Variants in ADAM29 observed in about 807,000 individuals in gnomAD.
ADAM29 encodes disintegrin and metalloproteinase domain-containing protein 29.
For missense variants in ADAM29, 969 were observed against 1,001.8 expected, an observed-to-expected ratio of 0.97 and a Z score of 0.44; for synonymous variants, 367 against 342.3, an observed-to-expected ratio of 1.07 and a Z score of -0.80.
rs112971012 is a variant in ADAM29, at chr4:174,970,145, G to T, written c.-180-5201G>T. On this transcript the variant is annotated intron_variant, in intron 4 of 4. Coordinates refer to ENST00000359240, the MANE Select transcript of ADAM29 (RefSeq NM_014269.4). Reference sequence around the variant, plus strand: ...ATATACACAGATTAAAAGACAATAGGATTAGTTATTAAGAAGATGAATACA... The same window carrying T: ...ATATACACAGATTAAAAGACAATAGTATTAGTTATTAAGAAGATGAATACA... 3.7e-3 allele frequency among the ~76,000 whole-genome samples: 561 copies of T among 152,196 alleles called. 4 individuals are homozygous for T. Among genetic ancestry groups the T allele is most frequent in the Middle Eastern group, 0.017 (5 of 294 alleles).
intron 3 of ADAM29, among the ~76,000 whole-genome samples, chr4:174,936,372 T>A (rs1744201953): frequency 6.6e-6 from 1 of 151,994 alleles, no homozygotes; most frequent in Non-Finnish European, 1.5e-5. Flanking sequence ...TAATTTTTAC[T>A]GAACGAAAAT....
intron 4 of ADAM29, among the ~76,000 whole-genome samples, chr4:174,952,625 GA>G (rs1342404406): frequency 6.6e-6 from 1 of 152,112 alleles, no homozygotes; most frequent in Non-Finnish European, 1.5e-5. Context: ...CAGAAAATTT[GA>G]GAGAGAAAAA....
intron 4 of ADAM29, among the ~76,000 whole-genome samples, chr4:174,938,611 C>T (rs1170888005): frequency 6.6e-6 from 1 of 152,096 alleles, no homozygotes; most frequent in Non-Finnish European, 1.5e-5. Context: ...ACTTATACTA[C>T]TCAGATGACC....
chr4:174,948,403 C>G (rs567674723), intron 4 of ADAM29, among the ~76,000 whole-genome samples: 5 of 152,156 alleles, frequency 3.3e-5, no homozygotes, highest in Non-Finnish European at 5.9e-5. Flanking sequence ...AGTCCACTGA[C>G]TTCACTTCCG....
At chr4:174,939,112 T>C (rs542892083) in intron 4 of ADAM29, among the ~76,000 whole-genome samples, 1 of 152,268 alleles carries the variant, frequency 6.6e-6, no homozygotes, top group Non-Finnish European at 1.5e-5. Flanking sequence ...GCAAAGAGTC[T>C]TTCTGCAAAG....
At chr4:174,936,072 G>A (rs1234443007) in intron 3 of ADAM29, among the ~76,000 whole-genome samples, 1 of 151,960 alleles carries the variant, frequency 6.6e-6, no homozygotes, top group Non-Finnish European at 1.5e-5. Context: ...ACAGCCCAGG[G>A]CAAAATTGGG....
intron 4 of ADAM29, among the ~76,000 whole-genome samples, chr4:174,949,322 C>T (rs1004902196): frequency 2.0e-5 from 3 of 152,186 alleles, no homozygotes; most frequent in African/African-American, 7.2e-5. Flanking sequence ...ACTGGCCATG[C>T]TCCGCTGAAG....
chr4:174,978,095 G>C lies in ADAM29; in HGVS notation c.*107G>C. ...AGTCAACCTCATGTGACACCTTACC[G>C]GAGTAAAAGTGGTAAACAAAAGCAA... On this transcript the variant is annotated 3_prime_UTR_variant, in exon 5 of 5. Coordinates refer to ENST00000359240, the MANE Select transcript of ADAM29 (RefSeq NM_014269.4). 2.6e-6 allele frequency: 4 copies of C among 1,520,290 alleles called. No individual in the cohort carries two copies. In the South Asian group the frequency reaches 5.1e-5, roughly 19 times the overall value. The allele number at this position is 1,520,290 out of a possible 1,614,324, so 94.2% of individuals were successfully genotyped here.
chr4:174,967,836 A>G (rs1396486687), intron 4 of ADAM29, among the ~76,000 whole-genome samples: 1 of 152,162 alleles, frequency 6.6e-6, no homozygotes, highest in Non-Finnish European at 1.5e-5. Context: ...CAATCGCACA[A>G]ACTGATATGC....
intron 4 of ADAM29, among the ~76,000 whole-genome samples, chr4:174,957,253 A>G (rs1373327206): frequency 2.0e-5 from 3 of 151,896 alleles, no homozygotes; most frequent in Non-Finnish European, 4.4e-5. Context: ...TAGGTTAATC[A>G]ACATTTATTG....
Position 174,975,878 on chromosome 4 carries a change from C to A in ADAM29, c.353C>A (p.Thr118Asn). The part of the protein sequence containing the change: ...GDPESLVSLS[T>N]CFGGFQGILQ... ...CCAGAATCCCTGGTTTCCCTCAGTA[C>A]CTGTTTTGGGGGTTTTCAAGGAATA... Residue 118 changes from threonine to asparagine, a missense_variant, in exon 5 of 5, where the codon ACC (threonine) becomes AAC (asparagine). Transcript: ENST00000359240. 2 of 1,613,618 alleles carry A rather than the reference C, an allele frequency of 1.2e-6. No homozygotes were observed. The highest frequency in any genetic ancestry group is 2.2e-5 in the South Asian group (2 of 90,972).
chr4:174,941,049 C>T (rs570211110), intron 4 of ADAM29, among the ~76,000 whole-genome samples: 24 of 152,052 alleles, frequency 1.6e-4, no homozygotes, highest in African/African-American at 5.1e-4. Context: ...TTCAGGGGGT[C>T]AATTGAGATA....
chr4:174,940,829 A>G (rs1205909710), intron 4 of ADAM29, among the ~76,000 whole-genome samples: 1 of 152,186 alleles, frequency 6.6e-6, no homozygotes, highest in Non-Finnish European at 1.5e-5. Flanking sequence ...AGACAAATCT[A>G]TTGACCTATG....
intron 4 of ADAM29, among the ~76,000 whole-genome samples, chr4:174,957,065 A>G (rs1745550784): frequency 6.6e-6 from 1 of 151,896 alleles, no homozygotes; most frequent in South Asian, 2.1e-4. Flanking sequence ...ATCAATAACA[A>G]TGAAACACAC....
chr4:174,936,789 T>A (rs2110955535), intron 3 of ADAM29, 144 bp from the exon 4 acceptor site: 1 of 152,100 alleles, frequency 6.6e-6, no homozygotes, highest in South Asian at 2.1e-4. Flanking sequence ...TAAGCTCATA[T>A]CACTAAGTGC....
At chr4:174,960,784 A>G (rs987761536) in intron 4 of ADAM29, among the ~76,000 whole-genome samples, 1 of 152,194 alleles carries the variant, frequency 6.6e-6, no homozygotes, top group African/African-American at 2.4e-5. Context: ...TTCCTGAACT[A>G]GGTCTCATCA....
chr4:174,942,103 C>A (rs1269197234), intron 4 of ADAM29, among the ~76,000 whole-genome samples: 1 of 152,164 alleles, frequency 6.6e-6, no homozygotes, highest in Admixed American at 6.5e-5. Flanking sequence ...GGGTGGGATC[C>A]CATGGCCTTG....
At chr4:174,973,932 G>A (rs1018039402) in intron 4 of ADAM29, among the ~76,000 whole-genome samples, 3 of 152,174 alleles carry the variant, frequency 2.0e-5, no homozygotes, top group African/African-American at 7.2e-5. Context: ...CATTTCACTG[G>A]CCTTATTCTA....
intron 4 of ADAM29, among the ~76,000 whole-genome samples, chr4:174,949,479 G>C (rs1579045305): frequency 6.6e-6 from 1 of 151,864 alleles, no homozygotes; most frequent in East Asian, 1.9e-4. Context: ...ATAAGTGTAG[G>C]TCACTCCTCA....
Sources: gnomAD v4.1 joint callset for allele counts (sites outside exome capture counted in the v4.1 genomes callset) on GRCh38, gnomAD v4.1.1 for gene constraint, MANE v1.5 for transcripts, NCBI Gene and HGNC (gene_info 2026-07-23, HGNC 2026-07-21) for gene names.